The following ADRA1A variants were observed in gnomAD, a reference collection of about 807,000 sequenced individuals.
ADRA1A encodes alpha-1A adrenergic receptor.
ADRA1A carries 31 observed loss-of-function variants against 29.6 expected under a neutral mutation model. The observed-to-expected ratio is 1.05, with a 90% CI of 0.79 to 1.41. ADRA1A has a LOEUF of 1.41. Ranked by LOEUF, ADRA1A falls within the 40% of genes most tolerant of loss-of-function variation. ADRA1A has a pLI of 0.00. For synonymous variants in ADRA1A, 311 were observed against 254.3 expected (o/e 1.22, Z -2.12); for missense variants, 619 against 601.1 (o/e 1.03, Z -0.31).
At chr8:26,764,364 G>T (rs1805662017), downstream of ADRA1A, among the ~76,000 whole-genome samples, 1 of 152,300 alleles carries the variant, frequency 6.6e-6, no homozygotes, top group Non-Finnish European at 1.5e-5. Context: ...ACATGTGCTT[G>T]TCTGTCAGTC....
Position 26,865,186 on chromosome 8 carries a change from A to T in ADRA1A, c.-217T>A, listed in dbSNP as rs1813815471. 13 of 1,401,644 alleles carry T rather than the reference A, an allele frequency of 9.3e-6. No individual in the cohort carries two copies. Among genetic ancestry groups the T allele is most frequent in the Non-Finnish European group, 1.2e-5 (13 of 1,080,264 alleles). 86.8% of individuals were successfully genotyped at this position (1,401,644 alleles called of 1,614,324 possible). A position where few individuals can be genotyped will look rare whatever the true frequency, so the allele number is the denominator to read the frequency against. ...GCCACATGAAGGGGCAGGGCATTAA[A>T]GACATGGCCAGGGGCGCGCGGGGCT... On this transcript the variant is annotated 5_prime_UTR_variant, in exon 2 of 3. Transcript: ENST00000380573. The surrounding 1 kb of genome is among the most constrained non-coding windows in gnomAD (Gnocchi z 7.6).
chr8:26,791,277 A>G lies in ADRA1A; in HGVS notation c.884-20611T>C, dbSNP rs182951830. 7.3e-3 allele frequency among the ~76,000 whole-genome samples: 1,105 copies of G among 152,296 alleles called. 14 individuals are homozygous for G. Among genetic ancestry groups the G allele is most frequent in the African/African-American group, 0.025 (1,031 of 41,560 alleles). On this transcript the variant is annotated intron_variant, in intron 2 of 2. Transcript: ENST00000380573. Reference sequence around the variant, plus strand: ...TTCCTCTATTATAAATAACTATGAAATAAATATTTGTGTGGATAGATTTGG... The same window carrying G: ...TTCCTCTATTATAAATAACTATGAAGTAAATATTTGTGTGGATAGATTTGG...
At chr8:26,803,329 A>G (rs1808732503) in intron 2 of ADRA1A, among the ~76,000 whole-genome samples, 1 of 152,200 alleles carries the variant, frequency 6.6e-6, no homozygotes, top group Non-Finnish European at 1.5e-5. Context: ...CTGTATCAAA[A>G]TATGTCATGT....
At chr8:26,771,815 G>GC (rs1432154036) in intron 2 of ADRA1A, 7 of 153,506 alleles carry the variant, frequency 4.6e-5, no homozygotes, top group Non-Finnish European at 1.0e-4. Context: ...GAGCTCGCCT[G>GC]CACTGACTCA....
intron 2 of ADRA1A, chr8:26,836,333 T>G (rs193092067): frequency 6.4e-6 from 1 of 155,410 alleles, no homozygotes; most frequent in Admixed American, 6.5e-5. Context: ...TTAATGAATC[T>G]GTTTATGTCT....
intron 2 of ADRA1A, among the ~76,000 whole-genome samples, chr8:26,784,718 T>C (rs890197582): frequency 2.6e-5 from 4 of 152,210 alleles, no homozygotes; most frequent in Non-Finnish European, 4.4e-5. Context: ...CCTGGGGATC[T>C]GGCATGACTC....
chr8:26,789,019 G>A (rs1420117598), intron 2 of ADRA1A, among the ~76,000 whole-genome samples: 1 of 152,068 alleles, frequency 6.6e-6, no homozygotes, highest in Non-Finnish European at 1.5e-5. Context: ...GTGCAATGGT[G>A]GCCTGCTGCA....
chr8:26,774,529 T>C (rs1806402435), intron 2 of ADRA1A, among the ~76,000 whole-genome samples: 1 of 151,950 alleles, frequency 6.6e-6, no homozygotes, highest in Non-Finnish European at 1.5e-5. Flanking sequence ...ATTAGCTGGG[T>C]GTGGTGGCAT....
downstream of ADRA1A, among the ~76,000 whole-genome samples, chr8:26,765,118 G>T (rs1255803870): frequency 6.6e-6 from 1 of 152,164 alleles, no homozygotes; most frequent in Non-Finnish European, 1.5e-5. Context: ...TGCTTTAAGC[G>T]ACGTCTATGG....
chr8:26,853,243 T>A (rs1339193015), intron 2 of ADRA1A, among the ~76,000 whole-genome samples: 1 of 152,168 alleles, frequency 6.6e-6, no homozygotes, highest in Admixed American at 6.5e-5. Context: ...CAGTGTCATA[T>A]CTGTCAAAAT....
At chr8:26,847,373 AG>A (rs1812289153) in intron 2 of ADRA1A, among the ~76,000 whole-genome samples, 2 of 152,130 alleles carry the variant, frequency 1.3e-5, no homozygotes. Context: ...CTTTAGGAAA[AG>A]TTTATTATCC....
Position 26,848,857 on chromosome 8 carries a change from T to G in ADRA1A, c.883+15230A>C. On this transcript the variant is annotated intron_variant, in intron 2 of 2. Coordinates refer to ENST00000380573, the MANE Select transcript of ADRA1A (RefSeq NM_000680.4). The surrounding 1 kb of genome is among the most constrained non-coding windows in gnomAD (Gnocchi z 4.3). ...GTTGTCTTCCTCTAACTGTTGAGAA[T>G]CAAAGGCTATAGGAGGATGGGTCTG... Among the ~76,000 whole-genome samples the G allele has an allele frequency of 6.6e-6, 1 of 152,184 alleles. No individual in the cohort carries two copies. The highest frequency in any genetic ancestry group is 1.9e-4 in the East Asian group (1 of 5,176).
At chr8:26,862,449 C>T (rs1406975386) in intron 2 of ADRA1A, among the ~76,000 whole-genome samples, 1 of 152,132 alleles carries the variant, frequency 6.6e-6, no homozygotes, top group Non-Finnish European at 1.5e-5. Context: ...TTATGTCTAC[C>T]CTTTCCAAAT....
rs1302545795 is a variant in ADRA1A, at chr8:26,864,189, G to T, written c.781C>A (p.Leu261Ile). The T allele has an allele frequency of 1.9e-6, 3 of 1,614,154 alleles. No homozygotes were observed. Among genetic ancestry groups the T allele is most frequent in the Non-Finnish European group, 1.7e-6 (2 of 1,180,036 alleles). The change falls in exon 2 of 3, where the codon CTC becomes ATC. Residue 261 changes from leucine (L) to isoleucine (I), a missense_variant. Transcript: ENST00000380573. The surrounding 1 kb of genome is among the most constrained non-coding windows in gnomAD (Gnocchi z 8.1). The stretch of plus-strand genomic sequence containing the variant: ...TTCTTCTCCCGGGAGAACTTGAGGA[G>T]CCTCACTGAGAAGTGCGTCTTGGTC... ...AKTKTHFSVR[L>I]LKFSREKKAA...
At chr8:26,766,170 T>C (rs199526417), downstream of ADRA1A, 530 of 1,514,412 alleles carry the variant, frequency 3.5e-4, 1 homozygote, top group Non-Finnish European at 4.3e-4. Flanking sequence ...AAAAAAAAAG[T>C]TGGAATACAG....
intron 2 of ADRA1A, among the ~76,000 whole-genome samples, chr8:26,845,027 T>C (rs1216624120): frequency 6.6e-6 from 1 of 152,200 alleles, no homozygotes; most frequent in Non-Finnish European, 1.5e-5. Flanking sequence ...AAGCTTGAAT[T>C]AGACAATGAC....
At chr8:26,767,722 A>T (rs934446549), downstream of ADRA1A, among the ~76,000 whole-genome samples, 9 of 152,178 alleles carry the variant, frequency 5.9e-5, no homozygotes, top group African/African-American at 1.9e-4. Flanking sequence ...TGTTTAAAGG[A>T]TCATCTCAAA....
chr8:26,803,722 T>A (rs1044684608), intron 2 of ADRA1A, among the ~76,000 whole-genome samples: 3 of 152,046 alleles, frequency 2.0e-5, no homozygotes, highest in African/African-American at 7.2e-5. Flanking sequence ...TACAACTCAA[T>A]AATTTTAAAA....
At chr8:26,827,358 G>C (rs1191430897) in intron 2 of ADRA1A, among the ~76,000 whole-genome samples, 1 of 152,204 alleles carries the variant, frequency 6.6e-6, no homozygotes, top group Non-Finnish European at 1.5e-5. Flanking sequence ...TGCCAGCTTA[G>C]TGACATGTGA....
Sources: gnomAD v4.1 joint callset for allele counts (sites outside exome capture counted in the v4.1 genomes callset) on GRCh38, gnomAD v4.1.1 for gene constraint, Gnocchi (gnomAD v3.1) non-coding constraint, MANE v1.5 for transcripts, NCBI Gene and HGNC (gene_info 2026-07-23, HGNC 2026-07-21) for gene names.